CENPO: variants seen among roughly 807,000 people sequenced by gnomAD.
CENPO encodes the protein centromeric protein O.
CENPO carries 30 observed loss-of-function variants against 36.1 expected under a neutral mutation model. That is an observed-to-expected ratio of 0.83 (90% CI 0.62 to 1.13). The LOEUF is 1.13. CENPO is among the 50% of genes most tolerant of loss of function. CENPO has a pLI of 0.00. For missense variants in CENPO, 349 were observed against 357.8 expected, an observed-to-expected ratio of 0.98 and a Z score of 0.20; for synonymous variants, 171 against 142.3, an observed-to-expected ratio of 1.20 and a Z score of -1.44.
chr2:24,815,711 C>T lies in CENPO; in HGVS notation c.549C>T (p.Tyr183=), dbSNP rs753857158. Residue 183 remains tyrosine, a synonymous_variant, in exon 5 of 8, where the codon TAC becomes TAT. Transcript: ENST00000380834. ...IQHFLFSLCE[Y]LNAYSGRKYQ... ...ACTTCCTGTTCAGTCTCTGCGAGTA[C>T]CTGAATGCTTACTCTGGGAGGAAGT... The T allele has an allele frequency of 6.2e-7, 1 of 1,614,072 alleles. No individual in the cohort carries two copies. Among genetic ancestry groups the T allele is most frequent in the South Asian group, 1.1e-5 (1 of 91,080 alleles).
chr2:24,811,440 C>A (rs1316268442), intron 3 of CENPO, among the ~76,000 whole-genome samples: 4 of 150,778 alleles, frequency 2.7e-5, no homozygotes, highest in African/African-American at 7.3e-5. Context: ...GCCACCACAC[C>A]CAGCTAATTT....
At position 24,798,546 on chromosome 2, in the gene CENPO, C is replaced by T. The variant is rs570731353; in HGVS notation, c.47-1129C>T. Among the ~76,000 whole-genome samples, 8 of 152,060 alleles carry T rather than the reference C, an allele frequency of 5.3e-5. No individual in the cohort carries two copies. The East Asian group carries it at 1.2e-3, about 22-fold the overall frequency. ...CACGATCTTGGCTCACTGCAAGCTC[C>T]GCCTCCTGGGTTCACGCCATTCTTC... On this transcript the variant is annotated intron_variant, in intron 2 of 7. Transcript: ENST00000380834.
intron 5 of CENPO, chr2:24,816,083 G>A (rs151023126): frequency 1.1e-3 from 331 of 311,156 alleles, no homozygotes; most frequent in Middle Eastern, 5.2e-3. Context: ...GTACCATACC[G>A]AGTGCCTTGC....
At position 24,809,365 on chromosome 2, in the gene CENPO, C is replaced by A. The variant is rs769309490; in HGVS notation, c.217-5011C>A. Among the ~76,000 whole-genome samples, 57 of 152,130 alleles carry A rather than the reference C, an allele frequency of 3.7e-4. 1 individual carries two copies. The highest frequency in any genetic ancestry group is 1.4e-3 in the South Asian group (7 of 4,830). On this transcript the variant is annotated intron_variant, in intron 3 of 7. Coordinates refer to ENST00000380834, the MANE Select transcript of CENPO (RefSeq NM_001322101.2). ...ATTGATTTCTGCTCATTATTATTTT[C>A]TTCCATTACTCTCTGAATTTTAGTT...
At chr2:24,799,152 A>G (rs1666048904) in intron 2 of CENPO, among the ~76,000 whole-genome samples, 1 of 151,854 alleles carries the variant, frequency 6.6e-6, no homozygotes, top group Admixed American at 6.5e-5. Context: ...ATGCGCCACC[A>G]TGCCCGGCTA....
At chr2:24,819,162 C>T (rs750463866) in intron 7 of CENPO, 192 bp from the exon 8 acceptor site, 1 of 152,654 alleles carries the variant, frequency 6.6e-6, no homozygotes, top group Non-Finnish European at 1.5e-5. Flanking sequence ...AGAATTTCCA[C>T]AATCACTTTC....
chr2:24,818,018 C>T (rs1315457296), intron 7 of CENPO, among the ~76,000 whole-genome samples, 177 bp downstream of exon 7: 1 of 152,142 alleles, frequency 6.6e-6, no homozygotes, highest in Admixed American at 6.5e-5. Context: ...TCTTAAAATG[C>T]TCAAGATGTT....
Position 24,815,743 on chromosome 2 carries a change from C to T in CENPO, c.581C>T (p.Ala194Val), listed in dbSNP as rs1402821210. Residue 194 changes from alanine to valine, a missense_variant, in exon 5 of 8, where the codon GCA becomes GTA. Physicochemically the swap from Ala to Val is moderately conservative, Grantham distance 64. Transcript: ENST00000380834. The part of the protein sequence containing the change: ...LNAYSGRKYQ[A>V]DRLQSDFAAL... ...GCTTACTCTGGGAGGAAGTACCAGG[C>T]AGACCGGCTTCAGGTATCTCTCTGG... 2 of 1,613,994 alleles carry T rather than the reference C, an allele frequency of 1.2e-6. No homozygotes were observed. Among genetic ancestry groups the T allele is most frequent in the African/African-American group, 2.7e-5 (2 of 74,926 alleles).
chr2:24,798,975 C>A (rs1399191736), intron 2 of CENPO, among the ~76,000 whole-genome samples: 188 of 114,532 alleles, frequency 1.6e-3, no homozygotes, highest in Non-Finnish European at 2.5e-3. Context: ...CTGGGGCTTC[C>A]TTTTTTTTTT....
chr2:24,804,583 T>C (rs886770319), intron 3 of CENPO, among the ~76,000 whole-genome samples: 54 of 152,312 alleles, frequency 3.5e-4, no homozygotes, highest in African/African-American at 1.3e-3. Flanking sequence ...CCTTCACTTA[T>C]GAAGCTTAGT....
At chr2:24,803,510 A>G (rs891443164) in intron 3 of CENPO, among the ~76,000 whole-genome samples, 3 of 151,962 alleles carry the variant, frequency 2.0e-5, no homozygotes, top group African/African-American at 7.3e-5. Flanking sequence ...ATGTGTCCCA[A>G]AGATTCTGGT....
chr2:24,801,567 C>G (rs1476709514), intron 3 of CENPO, among the ~76,000 whole-genome samples: 1 of 152,168 alleles, frequency 6.6e-6, no homozygotes, highest in African/African-American at 2.4e-5. Context: ...TTTCCCAGCA[C>G]CATTTATTAA....
intron 1 of CENPO, 140 bp downstream of exon 1, chr2:24,793,641 C>T: frequency 7.5e-7 from 1 of 1,331,210 alleles, no homozygotes; most frequent in Non-Finnish European, 1.0e-6. Flanking sequence ...GCCTCGGGAG[C>T]GCGCCGGGGC....
intron 7 of CENPO, among the ~76,000 whole-genome samples, chr2:24,818,675 CAG>C (rs912122194): frequency 2.6e-5 from 4 of 152,038 alleles, no homozygotes; most frequent in African/African-American, 7.2e-5. Context: ...CCCATTAACT[CAG>C]GGGGACTCAG....
chr2:24,810,919 A>G (rs967146250), intron 3 of CENPO, among the ~76,000 whole-genome samples: 1 of 151,626 alleles, frequency 6.6e-6, no homozygotes, highest in African/African-American at 2.4e-5. Flanking sequence ...CATCTTGACA[A>G]TTGTTGTCTA....
At chr2:24,796,362 A>C (rs1484932533) in intron 2 of CENPO, among the ~76,000 whole-genome samples, 1 of 152,074 alleles carries the variant, frequency 6.6e-6, no homozygotes, top group African/African-American at 2.4e-5. Context: ...TCAGAAAAAA[A>C]TAACCATTTC....
chr2:24,794,362 A>C (rs890243213), intron 2 of CENPO, among the ~76,000 whole-genome samples: 1 of 152,208 alleles, frequency 6.6e-6, no homozygotes, highest in African/African-American at 2.4e-5. Flanking sequence ...TGCCATGATA[A>C]ATATTGTGAC....
Position 24,821,550 on chromosome 2 carries a change from T to C in CENPO, c.*2232T>C, listed in dbSNP as rs764082862. The stretch of plus-strand genomic sequence containing the variant: ...AGCATGAAGTTATTGAAGGACTGGT[T>C]GTTGATGTTGGTGAGCGTATCCTTC... On this transcript the variant is annotated 3_prime_UTR_variant, in exon 8 of 8. Coordinates refer to ENST00000380834, the MANE Select transcript of CENPO (RefSeq NM_001322101.2). 2 of 1,614,106 alleles carry C rather than the reference T, an allele frequency of 1.2e-6. No individual in the cohort carries two copies. Among genetic ancestry groups the C allele is most frequent in the Non-Finnish European group, 1.7e-6 (2 of 1,180,018 alleles).
At chr2:24,809,508 G>GTTTTTC (rs1002429533) in intron 3 of CENPO, among the ~76,000 whole-genome samples, 8 of 151,618 alleles carry the variant, frequency 5.3e-5, no homozygotes, top group Admixed American at 4.6e-4. Flanking sequence ...TGTCCCACAA[G>GTTTTTC]TTTTTCTTTT....
Sources: allele counts gnomAD v4.1 joint callset (sites outside exome capture counted in the v4.1 genomes callset), GRCh38; gene constraint gnomAD v4.1.1; transcripts MANE v1.5; gene names NCBI Gene and HGNC (gene_info 2026-07-23, HGNC 2026-07-21).